HDAC4: variants seen among roughly 807,000 people sequenced by gnomAD.
HDAC4 encodes the protein histone deacetylase 4, also known as histone deacetylase A.
In HDAC4, 16 loss-of-function variants were observed where a neutral mutation model predicts 135.1. The observed-to-expected ratio is 0.12, with a 90% confidence interval of 0.08 to 0.18. HDAC4 has a LOEUF of 0.18. HDAC4 is among the 10% of genes least tolerant of loss of function. The pLI is 1.00. For synonymous variants in HDAC4, 685 were observed against 653.4 expected, an observed-to-expected ratio of 1.05 and a Z score of -0.74; for missense variants, 1,143 against 1,511.8, an observed-to-expected ratio of 0.76 and a Z score of 4.05.
At chr2:239,223,535 A>T (rs2047080786) in intron 3 of HDAC4, among the ~76,000 whole-genome samples, 1 of 152,234 alleles carries the variant, frequency 6.6e-6, no homozygotes, top group Non-Finnish European at 1.5e-5. Flanking sequence ...TACGCCTCCC[A>T]GCCTCAGTTC....
At chr2:239,305,644 A>G (rs2052537697) in intron 2 of HDAC4, 1 of 152,548 alleles carries the variant, frequency 6.6e-6, no homozygotes, top group Non-Finnish European at 1.5e-5. Flanking sequence ...TTGTAGGTAA[A>G]TGAATAAGAA....
intron 2 of HDAC4, among the ~76,000 whole-genome samples, chr2:239,246,342 T>C (rs779875546): frequency 6.6e-6 from 1 of 152,160 alleles, no homozygotes; most frequent in Non-Finnish European, 1.5e-5. Context: ...AAACCATCCA[T>C]GCACCCAGGA....
At chr2:239,054,641 G>A (rs986664086) in intron 25 of HDAC4, 108 bp downstream of exon 25, 2 of 787,630 alleles carry the variant, frequency 2.5e-6, no homozygotes, top group South Asian at 1.4e-5. Context: ...GGAAGCAGCC[G>A]GCAGTGGGAT....
intron 2 of HDAC4, among the ~76,000 whole-genome samples, chr2:239,252,902 G>C (rs930955865): frequency 1.3e-5 from 2 of 152,230 alleles, no homozygotes; most frequent in Non-Finnish European, 2.9e-5. Flanking sequence ...GACCCAGCCT[G>C]TTCTCCGCCA....
chr2:239,074,008 A>T (rs752420381), intron 22 of HDAC4, among the ~76,000 whole-genome samples: 6 of 135,772 alleles, frequency 4.4e-5, no homozygotes, highest in African/African-American at 1.7e-4. Flanking sequence ...TGAGGGGGGC[A>T]GCAGGACTGA....
intron 11 of HDAC4, among the ~76,000 whole-genome samples, chr2:239,132,354 C>T (rs4629183): frequency 6.6e-6 from 1 of 152,144 alleles, no homozygotes; most frequent in Non-Finnish European, 1.5e-5. Context: ...ACACTGGCTC[C>T]GAGGCTCCCT....
chr2:239,157,384 T>C (rs1384755373), intron 6 of HDAC4, among the ~76,000 whole-genome samples: 2 of 152,206 alleles, frequency 1.3e-5, no homozygotes, highest in African/African-American at 4.8e-5. Flanking sequence ...CAGCTACTGA[T>C]ACCCTGTGCC....
chr2:239,104,186 G>C (rs1004933916), intron 15 of HDAC4, among the ~76,000 whole-genome samples: 3 of 152,204 alleles, frequency 2.0e-5, no homozygotes, highest in Non-Finnish European at 2.9e-5. Flanking sequence ...GTAGGGGTCA[G>C]GGTGCAGTTG....
chr2:239,358,812 G>A (rs1027704559), intron 1 of HDAC4, among the ~76,000 whole-genome samples: 1 of 152,150 alleles, frequency 6.6e-6, no homozygotes, highest in Non-Finnish European at 1.5e-5. Context: ...CACACACAAA[G>A]TCATTTCAGA....
At chr2:239,071,081 T>C (rs1446329492) in intron 22 of HDAC4, among the ~76,000 whole-genome samples, 3 of 152,008 alleles carry the variant, frequency 2.0e-5, no homozygotes, top group African/African-American at 7.2e-5. Flanking sequence ...TCTAGTTTAA[T>C]GGAGTGAGCA....
At chr2:239,149,487 T>C (rs1291282168) in intron 7 of HDAC4, among the ~76,000 whole-genome samples, 4 of 152,170 alleles carry the variant, frequency 2.6e-5, no homozygotes, top group African/African-American at 9.6e-5. Context: ...ATATAAACAG[T>C]ACTTACAAAG....
At chr2:239,192,491 G>A (rs1193855850) in intron 3 of HDAC4, among the ~76,000 whole-genome samples, 1 of 152,202 alleles carries the variant, frequency 6.6e-6, no homozygotes, top group African/African-American at 2.4e-5. Flanking sequence ...AGGCAGGGAG[G>A]AGAGCTAAGT....
Position 239,151,420 on chromosome 2 carries a change from G to A in HDAC4, c.733+5232C>T, listed in dbSNP as rs7559584. Among the ~76,000 whole-genome samples, 974 of 152,300 alleles carry A rather than the reference G, an allele frequency of 6.4e-3. 7 individuals are homozygous for A. The highest frequency in any genetic ancestry group is 0.017 in the African/African-American group (717 of 41,562). On this transcript the variant is annotated intron_variant, in intron 7 of 26. Transcript: ENST00000543185. ...AAGCGGGACAGCTTCCCCCCAAAAT[G>A]GAGGAAAACCCACCCTATCTGCACA...
intron 3 of HDAC4, among the ~76,000 whole-genome samples, chr2:239,208,903 G>A (rs1184439025): frequency 2.6e-5 from 4 of 152,124 alleles, no homozygotes; most frequent in Non-Finnish European, 4.4e-5. Flanking sequence ...CTTTGTTTGA[G>A]ACAGGTTCTC....
chr2:239,401,235 A>G (rs1264661854), upstream of HDAC4, among the ~76,000 whole-genome samples: 1 of 147,800 alleles, frequency 6.8e-6, no homozygotes, highest in African/African-American at 2.5e-5. Flanking sequence ...TGGCCCGCTG[A>G]AACCTGCGCA....
chr2:239,217,869 A>T (rs1181569948), intron 3 of HDAC4, among the ~76,000 whole-genome samples: 3 of 152,156 alleles, frequency 2.0e-5, no homozygotes, highest in Admixed American at 2.0e-4. Context: ...CGGGAGGGGG[A>T]TCGTTTGAGG....
chr2:239,330,550 G>A (rs2125816669), intron 2 of HDAC4, among the ~76,000 whole-genome samples: 1 of 152,344 alleles, frequency 6.6e-6, no homozygotes, highest in Non-Finnish European at 1.5e-5. Context: ...GGCTGCCAGT[G>A]ACCGCGCACA....
chr2:239,105,516 G>C (rs988294645), intron 15 of HDAC4, among the ~76,000 whole-genome samples: 1 of 152,174 alleles, frequency 6.6e-6, no homozygotes, highest in African/African-American at 2.4e-5. Flanking sequence ...CGTCTTGCTG[G>C]GCCGGCCTGC....
chr2:239,249,451 T>C (rs1306167593), intron 2 of HDAC4, among the ~76,000 whole-genome samples: 1 of 151,986 alleles, frequency 6.6e-6, no homozygotes, highest in Non-Finnish European at 1.5e-5. Flanking sequence ...GAGACTTGAG[T>C]GGGGAGAAGC....
Sources: gnomAD v4.1 joint callset for allele counts (sites outside exome capture counted in the v4.1 genomes callset) on GRCh38, gnomAD v4.1.1 for gene constraint, MANE v1.5 for transcripts, NCBI Gene and HGNC (gene_info 2026-07-23, HGNC 2026-07-21) for gene names.